Variants in SERINC2 observed in about 807,000 individuals in gnomAD.
SERINC2 encodes the protein serine incorporator 2, also known as tumor differentially expressed protein 2.
SERINC2 carries 56 observed loss-of-function variants against 54.2 expected under a neutral mutation model. The ratio of observed to expected loss-of-function variants is 1.03; its 90% confidence interval spans 0.83 to 1.29. The LOEUF (loss-of-function observed/expected upper bound fraction) is 1.29. SERINC2 is among the 50% of genes most tolerant of loss of function. The pLI is 0.00. For synonymous variants in SERINC2, 272 were observed against 253.1 expected, an observed-to-expected ratio of 1.07 and a Z score of -0.71; for missense variants, 614 against 607.4, an observed-to-expected ratio of 1.01 and a Z score of -0.12.
chr1:31,426,740 T>C lies in SERINC2; in HGVS notation c.697T>C (p.Cys233Arg), dbSNP rs781793323. The part of the protein sequence containing the change: ...MFMYYTEPSG[C>R]HEGKVFISLN... Reference sequence around the variant, plus strand: ...CATGTACTACACTGAGCCCAGCGGCTGCCACGAGGGCAAGGTCTTCATCAG... The same window carrying C: ...CATGTACTACACTGAGCCCAGCGGCCGCCACGAGGGCAAGGTCTTCATCAG... Residue 233 changes from cysteine to arginine, a missense_variant, in exon 6 of 10, where the codon TGC (cysteine) becomes CGC (arginine). Transcript: ENST00000373709. 5.3e-5 allele frequency: 85 copies of C among 1,614,064 alleles called. No individual in the cohort carries two copies. Among genetic ancestry groups the C allele is most frequent in the Non-Finnish European group, 2.4e-5 (28 of 1,180,024 alleles).
In SERINC2 at chr1:31,429,021, C is replaced by A; in HGVS notation, c.824C>A (p.Thr275Asn). Residue 275 changes from threonine (T) to asparagine (N), a missense_variant, in exon 7 of 10, where the codon ACC (threonine) becomes AAC (asparagine). Physicochemically the swap from Thr to Asn is moderately conservative, Grantham distance 65. Transcript: ENST00000373709. ...GGTCTGCTGCAGGCCTCGGTCATCA[C>A]CCTCTACACCATGTTTGTCACCTGG... is the stretch of plus-strand genomic sequence containing the variant. ...NSGLLQASVI[T>N]LYTMFVTWSA... The A allele has an allele frequency of 6.2e-7, 1 of 1,613,948 alleles. No homozygotes were observed. Among genetic ancestry groups the A allele is most frequent in the Non-Finnish European group, 8.5e-7 (1 of 1,179,948 alleles).
intron 7 of SERINC2, 138 bp downstream of exon 7, chr1:31,429,206 T>C: frequency 4.0e-6 from 4 of 1,007,484 alleles, no homozygotes; most frequent in Non-Finnish European, 6.1e-6. Flanking sequence ...TCCCATGAGA[T>C]GGGAGGGCCC....
chr1:31,433,574 G>C (rs986012536), intron 9 of SERINC2, among the ~76,000 whole-genome samples: 1 of 152,160 alleles, frequency 6.6e-6, no homozygotes, highest in East Asian at 1.9e-4. Flanking sequence ...GTCTGGGGCT[G>C]GGATTGTGGT....
intron 8 of SERINC2, among the ~76,000 whole-genome samples, chr1:31,431,256 C>G (rs1462088538): frequency 1.3e-5 from 2 of 151,930 alleles, no homozygotes; most frequent in African/African-American, 4.8e-5. Context: ...TCCTGAGTCA[C>G]TGAGACTACA....
Position 31,423,650 on chromosome 1 carries a change from G to T in SERINC2, c.40-43G>T, listed in dbSNP as rs782815198. ...GCAGGTGGTGAGAGGTGCGCGCTTG[G>T]GCGGTGAAGGGGAGAGGGAAGAGTG... On this transcript the variant is annotated intron_variant, in intron 1 of 9. Transcript: ENST00000373709. 3 of 1,590,206 alleles carry T rather than the reference G, an allele frequency of 1.9e-6. No individual in the cohort carries two copies. The South Asian group carries it at 3.3e-5, about 18-fold the overall frequency.
At chr1:31,416,648 A>G (rs1314794292) in intron 1 of SERINC2, among the ~76,000 whole-genome samples, 8 of 152,266 alleles carry the variant, frequency 5.3e-5, no homozygotes, top group African/African-American at 1.9e-4. Flanking sequence ...GACGAAATAC[A>G]TGTTAAAAAA....
chr1:31,425,628 T>C, intron 4 of SERINC2, 148 bp from the exon 5 acceptor site: 1 of 1,078,086 alleles, frequency 9.3e-7, no homozygotes, highest in Non-Finnish European at 1.4e-6. Flanking sequence ...ACCCATATCC[T>C]GCCCTCTGTG....
intron 6 of SERINC2, among the ~76,000 whole-genome samples, chr1:31,427,531 A>G (rs908297752): frequency 6.6e-6 from 1 of 152,222 alleles, no homozygotes; most frequent in African/African-American, 2.4e-5. Context: ...CAGGTCACAC[A>G]GCAATCAGTA....
chr1:31,425,580 T>G (rs1553133465), intron 4 of SERINC2, among the ~76,000 whole-genome samples, 171 bp downstream of exon 4: 1 of 152,172 alleles, frequency 6.6e-6, no homozygotes, highest in East Asian at 1.9e-4. Context: ...CACACGGCCT[T>G]TGTGCAACCC....
At chr1:31,410,420 C>T (rs782120644), upstream of SERINC2, 30 of 1,549,784 alleles carry the variant, frequency 1.9e-5, no homozygotes, top group South Asian at 9.5e-5. Flanking sequence ...AGGAGTCACC[C>T]GGACCCAGCC....
chr1:31,431,529 TTC>T (rs1387805981), intron 8 of SERINC2, among the ~76,000 whole-genome samples: 71 of 152,156 alleles, frequency 4.7e-4, no homozygotes, highest in African/African-American at 1.6e-3. Flanking sequence ...CTGCCCCTGG[TTC>T]TCTGTCCCTT....
chr1:31,432,110 A>AGGGTGGTTAGGGTGGATAGGGTGGT (rs1557501312), intron 8 of SERINC2, among the ~76,000 whole-genome samples: 1 of 100,054 alleles, frequency 1.0e-5, no homozygotes, highest in Non-Finnish European at 2.0e-5. Flanking sequence ...GACAGGGTGG[A>AGGGTGGTTAGGGTGGATAGGGTGGT]TAGGGTGGTT....
chr1:31,430,851 G>C (rs1553134350), intron 8 of SERINC2, among the ~76,000 whole-genome samples: 1 of 152,118 alleles, frequency 6.6e-6, no homozygotes, highest in Non-Finnish European at 1.5e-5. Flanking sequence ...CTTAACTCTA[G>C]AGGGAATCTT....
At chr1:31,432,042 G>A (rs1553134671) in intron 8 of SERINC2, among the ~76,000 whole-genome samples, 7 of 131,356 alleles carry the variant, frequency 5.3e-5, no homozygotes, top group South Asian at 2.6e-4. Flanking sequence ...GGGTGGACAG[G>A]GTGGACAGGG....
Position 31,434,436 on chromosome 1 carries a change from T to G in SERINC2, c.*237T>G. 1 of 551,728 alleles carries G rather than the reference T, an allele frequency of 1.8e-6. No individual in the cohort carries two copies. The highest frequency in any genetic ancestry group is 3.2e-6 in the Non-Finnish European group (1 of 310,038). The allele number at this position is 551,728 out of a possible 1,614,324, so 34.2% of individuals were successfully genotyped here. ...CACACCCACACGGTGGAGCTGCCTC[T>G]TCCTTCCCCTCCTCCCTGTTGCCCA... On this transcript the variant is annotated 3_prime_UTR_variant, in exon 10 of 10. Coordinates refer to ENST00000373709, the MANE Select transcript of SERINC2 (RefSeq NM_178865.5).
intron 7 of SERINC2, 104 bp downstream of exon 7, chr1:31,429,172 C>A: frequency 8.9e-7 from 1 of 1,119,470 alleles, no homozygotes; most frequent in South Asian, 1.3e-5. Flanking sequence ...CATCCCTGCT[C>A]CAGCCCATTC....
intron 1 of SERINC2, among the ~76,000 whole-genome samples, chr1:31,420,881 C>T (rs1486599695): frequency 1.3e-5 from 2 of 152,344 alleles, no homozygotes; most frequent in East Asian, 1.9e-4. Context: ...CTGTTATCAA[C>T]TTGCTGTGTG....
At chr1:31,425,662 C>A in intron 4 of SERINC2, 114 bp from the exon 5 acceptor site, 1 of 1,326,690 alleles carries the variant, frequency 7.5e-7, no homozygotes, top group Non-Finnish European at 1.0e-6. Context: ...TCCCTGAGGG[C>A]AGGGACTCTG....
chr1:31,432,012 T>TAGGGTGGATAGGGTGGAG (rs1641258865), intron 8 of SERINC2, among the ~76,000 whole-genome samples: 4 of 25,872 alleles, frequency 1.5e-4, no homozygotes, highest in Non-Finnish European at 2.2e-4. Flanking sequence ...ATAGGGTGGA[T>TAGGGTGGATAGGGTGGAG]AGGGTGGACA....
Sources: allele counts gnomAD v4.1 joint callset (sites outside exome capture counted in the v4.1 genomes callset), GRCh38; gene constraint gnomAD v4.1.1; transcripts MANE v1.5; gene names NCBI Gene and HGNC (gene_info 2026-07-23, HGNC 2026-07-21).